The following CEP126 variants were observed in gnomAD, a reference collection of about 807,000 sequenced individuals.
The protein encoded by CEP126 is centrosomal protein 126.
Under a neutral mutation model 107.8 loss-of-function variants are expected in CEP126, and 74 were observed. The observed-to-expected ratio is 0.69, with a 90% CI of 0.57 to 0.83. The LOEUF (loss-of-function observed/expected upper bound fraction) is 0.83. Ranked by LOEUF, CEP126 falls within the 40% of genes least tolerant of loss-of-function variation. The pLI is 0.00. For missense variants in CEP126, 1,237 were observed against 1,281.9 expected, an observed-to-expected ratio of 0.96 and a Z score of 0.53; for synonymous variants, 449 against 446.0, an observed-to-expected ratio of 1.01 and a Z score of -0.08.
In CEP126 at chr11:101,963,749, T is replaced by G. The variant is rs771245237; in HGVS notation, c.2714T>G (p.Leu905Ter). The G allele has an allele frequency of 6.2e-7, 1 of 1,614,042 alleles. No homozygotes were observed. The highest frequency in any genetic ancestry group is 1.1e-5 in the South Asian group (1 of 91,084). Residue 905 changes from leucine to a stop codon, truncating the protein, a stop_gained, in exon 6 of 11, where the codon TTA becomes TGA. Transcript: ENST00000263468. LOFTEE classifies it high-confidence loss of function. The part of the protein sequence containing the change: ...TQAVARQDAT[L>*]YCTQRSPVCE... ...GCAGTTGCCCGGCAAGATGCGACAT[T>G]ATATTGCACCCAAAGAAGTCCTGTT...
At chr11:101,929,165 T>C (rs1940454147) in intron 2 of CEP126, among the ~76,000 whole-genome samples, 1 of 152,248 alleles carries the variant, frequency 6.6e-6, no homozygotes. Flanking sequence ...TTATCATGGC[T>C]GCTTTAAAAT....
At chr11:101,941,152 A>G (rs567971503) in intron 2 of CEP126, among the ~76,000 whole-genome samples, 20 of 152,090 alleles carry the variant, frequency 1.3e-4, no homozygotes, top group African/African-American at 4.8e-4. Context: ...CTCTATTATG[A>G]CTCTCTATTT....
intron 6 of CEP126, among the ~76,000 whole-genome samples, chr11:101,968,765 G>A (rs1162719335): frequency 6.6e-6 from 1 of 152,126 alleles, no homozygotes; most frequent in African/African-American, 2.4e-5. Context: ...GGGAAAAGAT[G>A]TCAATTGAGA....
chr11:101,915,393 C>T lies in CEP126; in HGVS notation c.109C>T (p.His37Tyr), dbSNP rs1940184323. The T allele has an allele frequency of 1.2e-6, 2 of 1,613,378 alleles. No homozygotes were observed. The highest frequency in any genetic ancestry group is 8.5e-7 in the Non-Finnish European group (1 of 1,179,818). ...PLGPRESGGH[H>Y]RPGSYLDMKI... ...CGGCCCTCGGGAGAGCGGCGGGCAT[C>T]ACCGACCTGGCTCTTACCTGTATCC... Residue 37 changes from histidine to tyrosine, a missense_variant, in exon 1 of 11, where the codon CAC (histidine) becomes TAC (tyrosine). Coordinates refer to ENST00000263468, the MANE Select transcript of CEP126 (RefSeq NM_020802.4).
At chr11:101,925,136 G>T (rs538597867) in intron 2 of CEP126, among the ~76,000 whole-genome samples, 1 of 152,040 alleles carries the variant, frequency 6.6e-6, no homozygotes, top group Admixed American at 6.5e-5. Context: ...TTCTTTTATT[G>T]CTCTTAGGAG....
At chr11:101,930,196 C>T in intron 2 of CEP126, among the ~76,000 whole-genome samples, 1 of 144,058 alleles carries the variant, frequency 6.9e-6, no homozygotes, top group East Asian at 2.1e-4. Context: ...CCTTGTATCT[C>T]TGGTGATTGG....
chr11:101,986,112 A>G (rs535516268), intron 8 of CEP126, among the ~76,000 whole-genome samples: 14 of 150,828 alleles, frequency 9.3e-5, no homozygotes, highest in African/African-American at 3.2e-4. Context: ...CCTCCCAAGT[A>G]GCTGGGATTA....
intron 6 of CEP126, among the ~76,000 whole-genome samples, chr11:101,970,542 C>A (rs556297196): frequency 2.0e-5 from 3 of 151,138 alleles, no homozygotes; most frequent in African/African-American, 7.3e-5. Context: ...TACATAGATT[C>A]TACTTCCTTT....
chr11:101,960,063 A>G (rs998189970), intron 5 of CEP126, among the ~76,000 whole-genome samples: 2 of 152,242 alleles, frequency 1.3e-5, no homozygotes, highest in Non-Finnish European at 2.9e-5. Context: ...TCCAAGAAGG[A>G]TAAGTGTATG....
intron 2 of CEP126, among the ~76,000 whole-genome samples, chr11:101,923,042 TATC>T (rs1217928487): frequency 6.6e-6 from 1 of 152,146 alleles, no homozygotes; most frequent in African/African-American, 2.4e-5. Context: ...TGAAATGTAT[TATC>T]TTCTTTTTTT....
At chr11:101,919,229 G>A (rs904120168) in intron 1 of CEP126, among the ~76,000 whole-genome samples, 3 of 152,156 alleles carry the variant, frequency 2.0e-5, no homozygotes, top group African/African-American at 7.2e-5. Flanking sequence ...GGGAGAGGAA[G>A]AAGGTACAGT....
intron 4 of CEP126, among the ~76,000 whole-genome samples, chr11:101,952,471 A>G (rs966072909): frequency 2.0e-5 from 3 of 152,224 alleles, no homozygotes; most frequent in African/African-American, 7.2e-5. Context: ...TTTAGAAGGT[A>G]CAATCAATAT....
At position 101,962,024 on chromosome 11, in the gene CEP126, T is replaced by C; in HGVS notation, c.989T>C (p.Ile330Thr). ...CAGAATGTCACAGCTTTCTCAGATA[T>C]TTTAAGTAAATCTAATGTTCTGCCT... ...NTQNVTAFSD[I>T]LSKSNVLPSW... is the part of the protein sequence containing the mutation. Residue 330 changes from isoleucine (I) to threonine (T), a missense_variant, in exon 6 of 11, where the codon ATT (isoleucine) becomes ACT (threonine). Transcript: ENST00000263468. The C allele has an allele frequency of 6.2e-7, 1 of 1,613,178 alleles. No individual in the cohort carries two copies. Among genetic ancestry groups the C allele is most frequent in the Non-Finnish European group, 8.5e-7 (1 of 1,179,506 alleles).
intron 10 of CEP126, among the ~76,000 whole-genome samples, chr11:101,994,032 G>A (rs1397669659): frequency 2.6e-5 from 4 of 152,120 alleles, no homozygotes; most frequent in East Asian, 1.9e-4. Flanking sequence ...TCAGTAGTTC[G>A]AGACCAGCCT....
chr11:101,918,374 C>T (rs1475776161), intron 1 of CEP126, among the ~76,000 whole-genome samples: 3 of 152,094 alleles, frequency 2.0e-5, no homozygotes, highest in Non-Finnish European at 4.4e-5. Flanking sequence ...CTTGAGACTG[C>T]GAGGTGGAGG....
intron 2 of CEP126, among the ~76,000 whole-genome samples, chr11:101,931,288 T>C (rs1209037933): frequency 6.6e-6 from 1 of 152,184 alleles, no homozygotes; most frequent in Non-Finnish European, 1.5e-5. Flanking sequence ...TGATAGTGTA[T>C]TGAGGGTAAT....
At chr11:101,965,715 T>C (rs760734720) in intron 6 of CEP126, among the ~76,000 whole-genome samples, 7 of 152,200 alleles carry the variant, frequency 4.6e-5, no homozygotes, top group African/African-American at 1.2e-4. Flanking sequence ...AGTACTGTTT[T>C]ATACTTACTG....
At chr11:101,947,817 A>C (rs1456342433) in intron 3 of CEP126, among the ~76,000 whole-genome samples, 1 of 152,120 alleles carries the variant, frequency 6.6e-6, no homozygotes, top group African/African-American at 2.4e-5. Context: ...TTTCCTGATA[A>C]ATATTCTTAA....
chr11:101,922,339 A>G (rs1026950177), intron 1 of CEP126, among the ~76,000 whole-genome samples: 9 of 151,400 alleles, frequency 5.9e-5, no homozygotes, highest in Admixed American at 5.9e-4. Flanking sequence ...TAATTTTTGT[A>G]TTTTTAGTAG....
Sources: gnomAD v4.1 joint callset for allele counts (sites outside exome capture counted in the v4.1 genomes callset) on GRCh38, gnomAD v4.1.1 for gene constraint, MANE v1.5 for transcripts, NCBI Gene and HGNC (gene_info 2026-07-23, HGNC 2026-07-21) for gene names.